The following ACSL1 variants were observed in gnomAD, a reference collection of about 807,000 sequenced individuals.
The protein encoded by ACSL1 is long-chain-fatty-acid--CoA ligase 1.
Under a neutral mutation model 98.4 loss-of-function variants are expected in ACSL1, and 41 were observed. The ratio of observed to expected loss-of-function variants is 0.42; its 90% CI spans 0.32 to 0.54. The LOEUF (loss-of-function observed/expected upper bound fraction) is 0.54. Ranked by LOEUF, ACSL1 falls within the 20% of genes least tolerant of loss-of-function variation. The pLI, the probability that ACSL1 is intolerant of heterozygous loss-of-function variation, is 0.13. For synonymous variants in ACSL1, 316 were observed against 322.7 expected (o/e 0.98, Z 0.22); for missense variants, 734 against 883.1 (o/e 0.83, Z 2.14).
At chr4:184,802,237 A>C (rs1770649434) in intron 2 of ACSL1, among the ~76,000 whole-genome samples, 1 of 152,266 alleles carries the variant, frequency 6.6e-6, no homozygotes, top group African/African-American at 2.4e-5. Context: ...TAAGAGTTTC[A>C]CATTAATGAA....
intron 17 of ACSL1, 120 bp from the exon 18 acceptor site, chr4:184,760,620 C>A: frequency 2.2e-6 from 3 of 1,368,546 alleles, no homozygotes; most frequent in Non-Finnish European, 3.0e-6. Context: ...TAATAACATC[C>A]CACAGAGGTC....
rs189179772 is a variant in ACSL1 at position 184,802,913 on chromosome 4, G to A, written c.195+407C>T. 2.8e-4 allele frequency among the ~76,000 whole-genome samples: 43 copies of A among 152,290 alleles called. No homozygotes were observed. The East Asian group carries it at 5.8e-3, about 20-fold the overall frequency. ...AACAGGCTAGGGATATGTTCTAAGC[G>A]TCAGATGTACCACGAGTGCATTCTT... On this transcript the variant is annotated intron_variant, in intron 2 of 20. Transcript: ENST00000281455.
Position 184,757,011 on chromosome 4 carries a change from A to G in ACSL1, c.*114T>C, listed in dbSNP as rs113373395. ...GAAGAACCCCGAATGGACAAGTCAA[A>G]CACGAACGCTTCCTTCCCTACACTT... On this transcript the variant is annotated 3_prime_UTR_variant, in exon 21 of 21. Coordinates refer to ENST00000281455, the MANE Select transcript of ACSL1 (RefSeq NM_001995.5). This position sits in a 1 kb window ranked among gnomAD's most constrained non-coding sequence, Gnocchi z 4.5. 3.0e-6 allele frequency: 4 copies of G among 1,330,902 alleles called. No homozygotes were observed. In the African/African-American group the frequency reaches 4.4e-5, roughly 15 times the overall value. The allele number at this position is 1,330,902 out of a possible 1,614,324, so 82.4% of individuals were successfully genotyped here.
chr4:184,774,603 G>C (rs1385679497), intron 7 of ACSL1, among the ~76,000 whole-genome samples: 2 of 152,190 alleles, frequency 1.3e-5, no homozygotes, highest in African/African-American at 4.8e-5. Flanking sequence ...CATTAGGGCA[G>C]TCTTGGTGGC....
At chr4:184,790,362 C>A (rs1768134079) in intron 2 of ACSL1, among the ~76,000 whole-genome samples, 1 of 152,170 alleles carries the variant, frequency 6.6e-6, no homozygotes, top group East Asian at 1.9e-4. Flanking sequence ...TAAATTCCTC[C>A]CAGTCTTTTT....
chr4:184,778,971 A>T (rs1259988935), intron 5 of ACSL1, among the ~76,000 whole-genome samples: 4 of 151,806 alleles, frequency 2.6e-5, no homozygotes, highest in African/African-American at 7.2e-5. Context: ...TAGCACAGGG[A>T]TTGAGTCAGC....
rs536045554 is a variant in ACSL1, at chr4:184,811,302, C to T, written c.-32-7756G>A. 6.5e-4 allele frequency among the ~76,000 whole-genome samples: 98 copies of T among 151,860 alleles called. 1 individual carries two copies. Among genetic ancestry groups the T allele is most frequent in the Admixed American group, 2.2e-3 (33 of 15,260 alleles). ...TTTTTTTTTGTATTTTTAGTAGAGA[C>T]GGGGTTTCACCGTGTTGGCCAGGAT... is the stretch of plus-strand genomic sequence containing the variant. On this transcript the variant is annotated intron_variant, in intron 1 of 20. Coordinates refer to ENST00000281455, the MANE Select transcript of ACSL1 (RefSeq NM_001995.5).
intron 5 of ACSL1, among the ~76,000 whole-genome samples, chr4:184,778,599 A>G (rs1474021874): frequency 6.6e-6 from 1 of 151,878 alleles, no homozygotes; most frequent in African/African-American, 2.4e-5. Context: ...CACACTTACC[A>G]CTTGACAGAG....
chr4:184,822,573 C>A (rs527280190), intron 1 of ACSL1, among the ~76,000 whole-genome samples: 3 of 151,614 alleles, frequency 2.0e-5, no homozygotes, highest in Admixed American at 6.6e-5. Context: ...CGCTTCACTA[C>A]GAAAAAAATA....
At chr4:184,770,201 CGG>C (rs1764274634) in intron 11 of ACSL1, 196 bp downstream of exon 11, 1 of 1,439,098 alleles carries the variant, frequency 6.9e-7, no homozygotes, top group Admixed American at 2.1e-5. Context: ...ATTTCTAAAA[CGG>C]GGCTGAGCAG....
chr4:184,824,186 C>T (rs771691725), intron 1 of ACSL1, among the ~76,000 whole-genome samples: 1 of 152,144 alleles, frequency 6.6e-6, no homozygotes, highest in Non-Finnish European at 1.5e-5. Flanking sequence ...AGTGCAGTGG[C>T]GGGATCTCAG....
chr4:184,757,292 A>C lies in ACSL1; in HGVS notation c.1957-27T>G. ...TGCCAATAAACAAGGCAGTTAAAAG[A>C]GGAAAAAGGACACGGGCCACCAGTC... is the stretch of plus-strand genomic sequence containing the variant. On this transcript the variant is annotated intron_variant, in intron 20 of 20. Transcript: ENST00000281455. The surrounding 1 kb of genome is among the most constrained non-coding windows in gnomAD (Gnocchi z 4.5). The C allele has an allele frequency of 6.3e-7, 1 of 1,578,318 alleles. No individual in the cohort carries two copies. The highest frequency in any genetic ancestry group is 1.7e-5 in the Admixed American group (1 of 58,212).
rs768304638 is a variant in ACSL1, at chr4:184,768,373, C to T, written c.1071G>A (p.Val357=). 6.2e-7 allele frequency: 1 copy of T among 1,612,462 alleles called. No individual in the cohort carries two copies. The highest frequency in any genetic ancestry group is 2.2e-5 in the East Asian group (1 of 44,862). The change falls in exon 12 of 21, where the codon GTG becomes GTA. Residue 357 remains valine (V), a synonymous_variant. Coordinates refer to ENST00000281455, the MANE Select transcript of ACSL1 (RefSeq NM_001995.5). ...DIRLLMDDLK[V]LQPTVFPVVP... is the part of the protein sequence containing the mutation. ...CCACGGGGAAGACAGTGGGTTGAAG[C>T]ACCTTGAGGTCATCCATGAGCAGCC...
intron 1 of ACSL1, among the ~76,000 whole-genome samples, chr4:184,818,648 A>G (rs1194645600): frequency 6.6e-6 from 1 of 152,166 alleles, no homozygotes; most frequent in Non-Finnish European, 1.5e-5. Context: ...GCCCTGTATT[A>G]AACGCTGCTG....
intron 7 of ACSL1, 24 bp downstream of exon 7, chr4:184,776,460 A>T (rs1415623395): frequency 6.2e-7 from 1 of 1,601,682 alleles, no homozygotes; most frequent in Admixed American, 1.7e-5. Flanking sequence ...GCCTTCAGAG[A>T]AGGGAAGGAG....
At chr4:184,769,620 A>T (rs182679237) in intron 11 of ACSL1, among the ~76,000 whole-genome samples, 1 of 152,298 alleles carries the variant, frequency 6.6e-6, no homozygotes, top group Non-Finnish European at 1.5e-5. Flanking sequence ...GGCAGATGGG[A>T]TCTAATCGCC....
chr4:184,759,220 T>C (rs1173565344), intron 18 of ACSL1, among the ~76,000 whole-genome samples: 2 of 152,232 alleles, frequency 1.3e-5, no homozygotes, highest in African/African-American at 4.8e-5. Context: ...CGTGTGCATG[T>C]GTCTTTAATA....
intron 3 of ACSL1, among the ~76,000 whole-genome samples, chr4:184,786,450 ACACACACACT>A (rs1329178553): frequency 2.4e-4 from 35 of 145,574 alleles, no homozygotes; most frequent in Non-Finnish European, 4.3e-4. Flanking sequence ...ACACACACAC[ACACACACACT>A]GTTTCATGTG....
chr4:184,819,140 CT>C (rs10538881), intron 1 of ACSL1, among the ~76,000 whole-genome samples: 12,264 of 129,628 alleles, frequency 0.095, 1,738 homozygotes, highest in African/African-American at 0.32. Context: ...TTTAGATGTA[CT>C]TTTTTTTTTT....
Sources: gnomAD v4.1 joint callset for allele counts (sites outside exome capture counted in the v4.1 genomes callset) on GRCh38, gnomAD v4.1.1 for gene constraint, Gnocchi (gnomAD v3.1) non-coding constraint, MANE v1.5 for transcripts, NCBI Gene and HGNC (gene_info 2026-07-23, HGNC 2026-07-21) for gene names.